TRIM31: variants seen among roughly 807,000 people sequenced by gnomAD.
TRIM31 encodes the protein tripartite motif containing 31.
TRIM31 carries 31 observed loss-of-function variants against 40.6 expected under a neutral mutation model. The ratio of observed to expected loss-of-function variants is 0.76; its 90% CI spans 0.57 to 1.03. The LOEUF is 1.03. TRIM31 is among the 50% of genes least tolerant of loss of function. The pLI is 0.00. For synonymous variants in TRIM31, 164 were observed against 193.9 expected (o/e 0.85, Z 1.28); for missense variants, 455 against 497.5 (o/e 0.91, Z 0.81).
rs1189676244 is a variant in TRIM31, at chr6:30,110,506, T to C, written c.686A>G (p.Lys229Arg). Residue 229 changes from lysine to arginine, a missense_variant, in exon 4 of 9, where the codon AAG becomes AGG. Coordinates refer to ENST00000376734, the MANE Select transcript of TRIM31 (RefSeq NM_007028.5). Reference protein sequence around the residue: ...ASTEPQLNDLKKLVDSLKTKQ... With the variant: ...ASTEPQLNDLRKLVDSLKTKQ... ...GGTCTTCAGGGAATCAACGAGCTTC[T>C]TGAGATCGTTCAACTGTGGCTCAGT... The C allele has an allele frequency of 2.5e-6, 4 of 1,614,210 alleles. No individual in the cohort carries two copies. Among genetic ancestry groups the C allele is most frequent in the Admixed American group, 1.7e-5 (1 of 60,032 alleles).
chr6:30,112,718 C>T lies in TRIM31; in HGVS notation c.88G>A (p.Asp30Asn). Residue 30 changes from aspartate (D) to asparagine (N), a missense_variant, in exon 2 of 9, where the codon GAC becomes AAC. Physicochemically the swap from Asp to Asn is conservative, Grantham distance 23. Transcript: ENST00000376734. Reference sequence around the variant, plus strand: ...TTGAGGCAGAAATTGTGCCCACAGTCGATGGTGACAGGTTTCTGCAGAATG... The same window carrying T: ...TTGAGGCAGAAATTGTGCCCACAGTTGATGGTGACAGGTTTCTGCAGAATG... The part of the protein sequence containing the change: ...LDILQKPVTI[D>N]CGHNFCLKCI... 5 of 1,613,078 alleles carry T rather than the reference C, an allele frequency of 3.1e-6. No homozygotes were observed. The highest frequency in any genetic ancestry group is 4.2e-6 in the Non-Finnish European group (5 of 1,180,014).
rs1769204391 is a variant in TRIM31 at position 30,110,597 on chromosome 6, G to T, written c.595C>A (p.Leu199Met). 4 of 1,614,066 alleles carry T rather than the reference G, an allele frequency of 2.5e-6. No homozygotes were observed. The Admixed American group carries it at 6.7e-5, about 27-fold the overall frequency. ...CCCAGCCAGTAAATCCGTGATAGCA[G>T]GAAATTCTTCTCCTCCTCTAGGACT... The part of the protein sequence containing the change: ...HQVLEEEKNF[L>M]LSRIYWLGHE... Residue 199 changes from leucine to methionine, a missense_variant, in exon 4 of 9, where the codon CTG becomes ATG. Coordinates refer to ENST00000376734, the MANE Select transcript of TRIM31 (RefSeq NM_007028.5).
At chr6:30,110,735 C>G (rs978165274) in intron 3 of TRIM31, 57 bp from the exon 4 acceptor site, 1 of 1,486,096 alleles carries the variant, frequency 6.7e-7, no homozygotes, top group Non-Finnish European at 9.3e-7. Context: ...CCTTCTAGCC[C>G]ACTTTATTCA....
chr6:30,111,531 G>A, intron 3 of TRIM31, 117 bp downstream of exon 3: 3 of 1,044,144 alleles, frequency 2.9e-6, no homozygotes, highest in East Asian at 4.8e-5. Flanking sequence ...CTGAGGCGCC[G>A]AGGAGAGGAC....
rs367935933 is a variant in TRIM31 at position 30,104,618 on chromosome 6, T to C, written c.959-451A>G. ...CTTACCTCCCCTCCCGGAAGCTACA[T>C]GGACCTCACTGTAAGTTGCAGATAA... On this transcript the variant is annotated intron_variant, in intron 7 of 8. Transcript: ENST00000376734. 3.0e-4 allele frequency among the ~76,000 whole-genome samples: 45 copies of C among 152,350 alleles called. 3 individuals are homozygous for C. The East Asian group carries it at 3.1e-3, about 10-fold the overall frequency.
At chr6:30,109,083 C>A in intron 4 of TRIM31, 35 bp from the exon 5 acceptor site, 1 of 1,612,328 alleles carries the variant, frequency 6.2e-7, no homozygotes, top group Non-Finnish European at 8.5e-7. Flanking sequence ...AGCCTCAGCA[C>A]TTGGCTGATT....
At chr6:30,110,360 C>A in intron 4 of TRIM31, 88 bp downstream of exon 4, 1 of 1,302,958 alleles carries the variant, frequency 7.7e-7, no homozygotes, top group African/African-American at 1.4e-5. Context: ...TTGGGGCAAT[C>A]TCAGGTATTC....
chr6:30,111,503 C>T (rs2127393063), intron 3 of TRIM31, 145 bp downstream of exon 3: 3 of 756,880 alleles, frequency 4.0e-6, no homozygotes, highest in Non-Finnish European at 6.5e-6. Context: ...GAGGTGATGC[C>T]GCCTGGCCGG....
chr6:30,108,934 G>T, intron 5 of TRIM31, 92 bp downstream of exon 5: 2 of 1,388,650 alleles, frequency 1.4e-6, no homozygotes, highest in Non-Finnish European at 1.0e-6. Context: ...GGGTATTTCT[G>T]AGAGAGGAAT....
rs375193249 is a variant in TRIM31 at position 30,108,991 on chromosome 6, A to G, written c.767+35T>C. 199 of 1,610,080 alleles carry G rather than the reference A, an allele frequency of 1.2e-4. 1 individual carries two copies. The highest frequency in any genetic ancestry group is 1.6e-4 in the Non-Finnish European group (188 of 1,177,398). ...GCTGAGAATTGTGTGTGGATGAATC[A>G]GTAGGCAAAATACATTTGGGGTGGC... On this transcript the variant is annotated intron_variant, in intron 5 of 8. Coordinates refer to ENST00000376734, the MANE Select transcript of TRIM31 (RefSeq NM_007028.5).
chr6:30,104,040 T>C, intron 8 of TRIM31, 62 bp downstream of exon 8: 1 of 1,540,272 alleles, frequency 6.5e-7, no homozygotes. Flanking sequence ...ATTGGGTGGA[T>C]ACAGCATTTT....
Position 30,105,192 on chromosome 6 carries a change from T to A in TRIM31, c.934A>T (p.Met312Leu), listed in dbSNP as rs1196894571. 4 of 1,612,772 alleles carry A rather than the reference T, an allele frequency of 2.5e-6. No homozygotes were observed. The highest frequency in any genetic ancestry group is 1.7e-5 in the Admixed American group (1 of 59,952). ...CAGCTCTTCATGTCATTTTTATTCATGCTTTTGAAGAATCTGTTTTCATCT... is the reference window on the plus strand; with the variant it reads ...CAGCTCTTCATGTCATTTTTATTCAAGCTTTTGAAGAATCTGTTTTCATCT... ...KKDENRFFKS[M>L]NKNDMKSWGL... Residue 312 changes from methionine to leucine, a missense_variant, in exon 7 of 9, where the codon ATG becomes TTG. Met to Leu is a conservative substitution (Grantham distance 15, BLOSUM62 2). Transcript: ENST00000376734.
rs376810649 is a variant in TRIM31, at chr6:30,104,093, G to A, written c.1024+9C>T. 444 of 1,612,814 alleles carry A rather than the reference G, an allele frequency of 2.8e-4. No individual in the cohort carries two copies. The highest frequency in any genetic ancestry group is 3.5e-4 in the Non-Finnish European group (416 of 1,179,978). On this transcript the variant is annotated intron_variant, in intron 8 of 8. Transcript: ENST00000376734. Reference sequence around the variant, plus strand: ...GAGGTCCCTTAGTATTCAGAGACAGGACTCTTACCTGCAGAAGATGACCCG... The same window carrying A: ...GAGGTCCCTTAGTATTCAGAGACAGAACTCTTACCTGCAGAAGATGACCCG...
intron 2 of TRIM31, chr6:30,111,946 C>T (rs1769375915): frequency 6.6e-6 from 4 of 606,830 alleles, no homozygotes; most frequent in Non-Finnish European, 1.2e-5. Flanking sequence ...ATGACCAGAA[C>T]ATAGTTATTT....
intron 5 of TRIM31, chr6:30,108,815 G>A (rs1259396693): frequency 1.6e-6 from 1 of 632,042 alleles, no homozygotes; most frequent in Non-Finnish European, 2.9e-6. Context: ...GAAGGAGGAA[G>A]GCTGAGAAAA....
At chr6:30,106,024 C>T (rs1768650157) in intron 6 of TRIM31, among the ~76,000 whole-genome samples, 2 of 152,354 alleles carry the variant, frequency 1.3e-5, no homozygotes, top group South Asian at 2.1e-4. Context: ...CCAGTTCACC[C>T]CTGCCAGAAG....
At chr6:30,107,903 G>C in intron 6 of TRIM31, 150 bp downstream of exon 6, 1 of 619,034 alleles carries the variant, frequency 1.6e-6, no homozygotes, top group Non-Finnish European at 2.9e-6. Context: ...GAGGCATACT[G>C]ATGCGTGGAA....
chr6:30,105,415 C>G, intron 6 of TRIM31, 173 bp from the exon 7 acceptor site: 1 of 583,830 alleles, frequency 1.7e-6, no homozygotes, highest in Non-Finnish European at 3.0e-6. Context: ...GATGCCCTTT[C>G]TGATTTCCTG....
intron 6 of TRIM31, among the ~76,000 whole-genome samples, chr6:30,107,187 G>A (rs1768799207): frequency 6.6e-6 from 1 of 152,168 alleles, no homozygotes; most frequent in African/African-American, 2.4e-5. Flanking sequence ...AGACAAAGCA[G>A]AGCAGTTAGT....
Sources: gnomAD v4.1 joint callset for allele counts (sites outside exome capture counted in the v4.1 genomes callset) on GRCh38, gnomAD v4.1.1 for gene constraint, MANE v1.5 for transcripts, NCBI Gene and HGNC (gene_info 2026-07-23, HGNC 2026-07-21) for gene names.